PCDHGB1: variants seen among roughly 807,000 people sequenced by gnomAD.
PCDHGB1 encodes protocadherin gamma subfamily B, 1, also known as protocadherin gamma-B1.
A neutral mutation model predicts 56.6 loss-of-function variants in PCDHGB1; 34 were observed. That is an observed-to-expected ratio of 0.60 (90% CI 0.46 to 0.80). PCDHGB1 has a LOEUF of 0.80. PCDHGB1 is among the 30% of genes least tolerant of loss of function. The pLI, the probability that PCDHGB1 is intolerant of heterozygous loss-of-function variation, is 0.00. For synonymous variants in PCDHGB1, 561 were observed against 505.9 expected, an observed-to-expected ratio of 1.11 and a Z score of -1.46; for missense variants, 1,278 against 1,204.6, an observed-to-expected ratio of 1.06 and a Z score of -0.90.
chr5:141,381,889 G>A (rs1385598954), intron 1 of PCDHGB1, among the ~76,000 whole-genome samples: 2 of 132,634 alleles, frequency 1.5e-5, no homozygotes, highest in Non-Finnish European at 3.1e-5. Context: ...GAGTGCAATG[G>A]TGTGATCTCG....
chr5:141,389,750 C>A (rs751642051), intron 1 of PCDHGB1: 4 of 1,612,642 alleles, frequency 2.5e-6, no homozygotes, highest in African/African-American at 2.7e-5. Context: ...TGCGCACGGG[C>A]GAAGTGCGCA....
intron 1 of PCDHGB1, chr5:141,377,955 G>GTTT (rs1774497186): frequency 6.6e-6 from 1 of 152,022 alleles, no homozygotes; most frequent in African/African-American, 2.4e-5. Context: ...GTGTATCCAG[G>GTTT]GCAACTTGAA....
chr5:141,418,821 C>G (rs750200042), intron 1 of PCDHGB1: 1 of 1,613,846 alleles, frequency 6.2e-7, no homozygotes, highest in Non-Finnish European at 8.5e-7. Flanking sequence ...AACATAGAAG[C>G]AAAAGACCGA....
chr5:141,369,621 C>T (rs1255765224), intron 1 of PCDHGB1, among the ~76,000 whole-genome samples: 2 of 152,294 alleles, frequency 1.3e-5, no homozygotes, highest in East Asian at 1.9e-4. Flanking sequence ...ATCATTTCCT[C>T]ATTACCTTTA....
In PCDHGB1 at chr5:141,505,090, A is replaced by C. The variant is rs1018571873; in HGVS notation, c.2469-303A>C. Among the ~76,000 whole-genome samples the C allele has an allele frequency of 3.9e-5, 6 of 152,188 alleles. 1 individual carries two copies. The South Asian group carries it at 1.2e-3, about 31-fold the overall frequency. ...GGCAGGAGAATCGCTTGAACCCAGG[A>C]GGTGGATGTTGCAATGAGCCAAGAT... On this transcript the variant is annotated intron_variant, in intron 2 of 3. Transcript: ENST00000523390.
intron 1 of PCDHGB1, chr5:141,365,822 G>T: frequency 6.2e-7 from 1 of 1,613,908 alleles, no homozygotes; most frequent in Non-Finnish European, 8.5e-7. Flanking sequence ...CACATTTCAG[G>T]GGGCGCCCTT....
chr5:141,448,834 A>G (rs910945659), intron 1 of PCDHGB1, among the ~76,000 whole-genome samples: 2 of 151,780 alleles, frequency 1.3e-5, no homozygotes, highest in African/African-American at 4.8e-5. Context: ...AGTCCCAGCT[A>G]CTCTGGAGGC....
chr5:141,429,426 G>C (rs992784469), intron 1 of PCDHGB1, among the ~76,000 whole-genome samples: 3 of 151,724 alleles, frequency 2.0e-5, no homozygotes, highest in African/African-American at 4.8e-5. Context: ...TGTTGCCCAG[G>C]CTGGACTCAA....
At position 141,477,830 on chromosome 5, in the gene PCDHGB1, C is replaced by T; in HGVS notation, c.2410-16977C>T. ...TGCCCCCCAGGTCCTATATCCTCGG[C>T]CAGGTGGGAGCTCGGTGGAGATGCT... is the stretch of plus-strand genomic sequence containing the variant. On this transcript the variant is annotated intron_variant, in intron 1 of 3. Transcript: ENST00000523390. The surrounding 1 kb of genome is among the most constrained non-coding windows in gnomAD (Gnocchi z 4.9). 1 of 1,614,170 alleles carries T rather than the reference C, an allele frequency of 6.2e-7. No individual in the cohort carries two copies. Among genetic ancestry groups the T allele is most frequent in the Non-Finnish European group, 8.5e-7 (1 of 1,180,038 alleles).
At chr5:141,454,034 G>A (rs530844564) in intron 1 of PCDHGB1, among the ~76,000 whole-genome samples, 10 of 152,270 alleles carry the variant, frequency 6.6e-5, no homozygotes, top group African/African-American at 2.4e-4. Context: ...GAATTGGCCA[G>A]CAAAGATAAA....
At chr5:141,423,277 A>G (rs749771302) in intron 1 of PCDHGB1, 4 of 1,613,988 alleles carry the variant, frequency 2.5e-6, no homozygotes, top group Non-Finnish European at 8.5e-7. Flanking sequence ...GTCTCTGGCT[A>G]ACTCTGAAAC....
At chr5:141,389,142 G>A (rs72790030) in intron 1 of PCDHGB1, 42,481 of 1,613,950 alleles carry the variant, frequency 0.026, 745 homozygotes, top group East Asian at 0.04. Flanking sequence ...CAATATAACC[G>A]TTACGGCAAC....
chr5:141,405,326 T>C (rs764056952), intron 1 of PCDHGB1: 2 of 1,614,220 alleles, frequency 1.2e-6, no homozygotes, highest in South Asian at 2.2e-5. Context: ...TGAGCCTTTG[T>C]GCGTCTCTGT....
Position 141,490,055 on chromosome 5 carries a change from G to A in PCDHGB1, c.2410-4752G>A, listed in dbSNP as rs746297447. The A allele has an allele frequency of 1.9e-6, 3 of 1,614,068 alleles. No individual in the cohort carries two copies. The Admixed American group carries it at 5.0e-5, about 27-fold the overall frequency. On this transcript the variant is annotated intron_variant, in intron 1 of 3. Transcript: ENST00000523390. This position sits in a 1 kb window ranked among gnomAD's most constrained non-coding sequence, Gnocchi z 5.4. ...CTCAATGCCACTGATCCAGACGAGG[G>A]CACCAACGGCCAACTAGACTATTCT...
At position 141,431,209 on chromosome 5, in the gene PCDHGB1, G is replaced by C; in HGVS notation, c.2410-63598G>C. Reference sequence around the variant, plus strand: ...TTAGTGAAAATGCAGCCACTGAGATGCGGTTCCCTCTACCCCACGCCTGGG... The same window carrying C: ...TTAGTGAAAATGCAGCCACTGAGATCCGGTTCCCTCTACCCCACGCCTGGG... On this transcript the variant is annotated intron_variant, in intron 1 of 3. Coordinates refer to ENST00000523390, the MANE Select transcript of PCDHGB1 (RefSeq NM_018922.3). The surrounding 1 kb of genome is among the most constrained non-coding windows in gnomAD (Gnocchi z 4.8). 6.2e-7 allele frequency: 1 copy of C among 1,614,190 alleles called. No homozygotes were observed. Among genetic ancestry groups the C allele is most frequent in the Non-Finnish European group, 8.5e-7 (1 of 1,180,038 alleles).
At chr5:141,407,238 T>C (rs538322072) in intron 1 of PCDHGB1, among the ~76,000 whole-genome samples, 1 of 152,338 alleles carries the variant, frequency 6.6e-6, no homozygotes, top group East Asian at 1.9e-4. Context: ...AAATAAAGCA[T>C]ACTTCAGGCT....
chr5:141,411,079 T>C (rs1178503371), intron 1 of PCDHGB1: 2 of 154,384 alleles, frequency 1.3e-5, no homozygotes, highest in African/African-American at 2.4e-5. Flanking sequence ...CAGAAACTCC[T>C]GTCCTCGTGA....
intron 1 of PCDHGB1, chr5:141,423,611 C>T: frequency 1.1e-5 from 18 of 1,611,094 alleles, no homozygotes; most frequent in Non-Finnish European, 1.5e-5. Flanking sequence ...CTCTTGATAG[C>T]TGAAGACTCA....
At chr5:141,418,455 C>G (rs1287627325) in intron 1 of PCDHGB1, 3 of 1,613,990 alleles carry the variant, frequency 1.9e-6, no homozygotes, top group Non-Finnish European at 2.5e-6. Flanking sequence ...TTGCAGAAGA[C>G]TCTGGACCGA....
Sources: gnomAD v4.1 joint callset for allele counts (sites outside exome capture counted in the v4.1 genomes callset) on GRCh38, gnomAD v4.1.1 for gene constraint, Gnocchi (gnomAD v3.1) non-coding constraint, MANE v1.5 for transcripts, NCBI Gene and HGNC (gene_info 2026-07-23, HGNC 2026-07-21) for gene names.